The following CREM variants were observed in gnomAD, a reference collection of about 807,000 sequenced individuals.
CREM encodes cAMP-responsive element modulator.
CREM carries 13 observed loss-of-function variants against 37.3 expected under a neutral mutation model. That is an observed-to-expected ratio of 0.35 (90% confidence interval 0.23 to 0.55). The LOEUF (loss-of-function observed/expected upper bound fraction) is 0.55. Ranked by LOEUF, CREM falls within the 20% of genes least tolerant of loss-of-function variation. The probability of loss-of-function intolerance (pLI) is 0.88; values close to 1 mark genes in which losing one functional copy is unlikely to be tolerated. For synonymous variants in CREM, 124 were observed against 120.2 expected (o/e 1.03, Z -0.21); for missense variants, 296 against 362.3 (o/e 0.82, Z 1.49).
intron 7 of CREM, among the ~76,000 whole-genome samples, chr10:35,207,465 TAAAAATAAA>T (rs2095558281): frequency 8.9e-6 from 1 of 112,166 alleles, no homozygotes; most frequent in South Asian, 3.3e-4. Context: ...TATCAATAAA[TAAAAATAAA>T]AATAAAAATT....
At chr10:35,180,314 C>T (rs2094300092) in intron 5 of CREM, among the ~76,000 whole-genome samples, 1 of 151,890 alleles carries the variant, frequency 6.6e-6, no homozygotes, top group Non-Finnish European at 1.5e-5. Context: ...CTTTGTTTTT[C>T]CTTTAAAAAG....
chr10:35,175,214 A>G (rs567990698), intron 3 of CREM, among the ~76,000 whole-genome samples: 5 of 152,308 alleles, frequency 3.3e-5, no homozygotes, highest in Admixed American at 6.5e-5. Flanking sequence ...TTGGGAGGCC[A>G]AGGTGGGCAG....
intron 3 of CREM, among the ~76,000 whole-genome samples, chr10:35,169,806 C>G (rs1345916050): frequency 1.3e-5 from 2 of 151,984 alleles, no homozygotes; most frequent in African/African-American, 2.4e-5. Context: ...GCATGAAGGG[C>G]TGTTGAATTT....
chr10:35,127,725 G>A (rs777421038), intron 1 of CREM, among the ~76,000 whole-genome samples: 1 of 152,242 alleles, frequency 6.6e-6, no homozygotes, highest in African/African-American at 2.4e-5. Flanking sequence ...TCCGGAGTGG[G>A]AAGGGCAGAG....
intron 1 of CREM, among the ~76,000 whole-genome samples, chr10:35,135,751 A>C (rs1215491230): frequency 2.0e-5 from 3 of 148,520 alleles, no homozygotes; most frequent in Non-Finnish European, 4.5e-5. Context: ...AAAGAGAGAC[A>C]TTAAAAAAAA....
At chr10:35,165,641 A>T (rs1390061354) in intron 3 of CREM, among the ~76,000 whole-genome samples, 1 of 152,064 alleles carries the variant, frequency 6.6e-6, no homozygotes, top group East Asian at 1.9e-4. Flanking sequence ...ATTGGCTTTC[A>T]AAAGTTCCTT....
At chr10:35,164,595 T>G (rs1002559425) in intron 3 of CREM, among the ~76,000 whole-genome samples, 6 of 152,236 alleles carry the variant, frequency 3.9e-5, no homozygotes, top group African/African-American at 1.4e-4. Context: ...CTGTAACTAT[T>G]TCAGATTTCA....
At chr10:35,165,456 C>A (rs2093504585) in intron 3 of CREM, among the ~76,000 whole-genome samples, 1 of 152,110 alleles carries the variant, frequency 6.6e-6, no homozygotes, top group Non-Finnish European at 1.5e-5. Flanking sequence ...CACGTTTTGT[C>A]AAAATGATTC....
rs139878924 is a variant in CREM at position 35,176,952 on chromosome 10, T to C, written c.169-1937T>C. On this transcript the variant is annotated intron_variant, in intron 3 of 7. Coordinates refer to ENST00000685392, the MANE Select transcript of CREM (RefSeq NM_183011.2). ...GAAGTTAAAACATTTTTTCCATCAA[T>C]AGATGTAAATTATTAAATATGCATT... Among the ~76,000 whole-genome samples the C allele has an allele frequency of 7.0e-3, 1,071 of 152,312 alleles. 16 individuals are homozygous for C. Among genetic ancestry groups the C allele is most frequent in the African/African-American group, 0.024 (1,007 of 41,558 alleles).
chr10:35,187,249 A>G lies in CREM; in HGVS notation c.410-951A>G, dbSNP rs1264858129. On this transcript the variant is annotated intron_variant, in intron 5 of 7. Coordinates refer to ENST00000685392, the MANE Select transcript of CREM (RefSeq NM_183011.2). ...TATAAAATATATAATTATATATAAC[A>G]TATATAATTATATGTATGTTGGTTT... is the stretch of plus-strand genomic sequence containing the variant. Among the ~76,000 whole-genome samples the G allele has an allele frequency of 2.7e-5, 3 of 112,330 alleles. No homozygotes were observed. In the South Asian group the frequency reaches 7.1e-4, roughly 27 times the overall value. 73.7% of individuals were successfully genotyped at this position (112,330 alleles called of 152,430 possible). A position where few individuals can be genotyped will look rare whatever the true frequency, so the allele number is the denominator to read the frequency against.
At chr10:35,161,531 T>A (rs190014814) in intron 3 of CREM, among the ~76,000 whole-genome samples, 7 of 151,216 alleles carry the variant, frequency 4.6e-5, no homozygotes, top group Admixed American at 1.3e-4. Context: ...AGGAGTGGTG[T>A]TGTGCACCTG....
intron 1 of CREM, among the ~76,000 whole-genome samples, chr10:35,134,937 C>T (rs2090191347): frequency 6.6e-6 from 1 of 151,776 alleles, no homozygotes; most frequent in Non-Finnish European, 1.5e-5. Flanking sequence ...ACTCAGGAGG[C>T]TGAGGCATGA....
intron 3 of CREM, among the ~76,000 whole-genome samples, chr10:35,170,125 G>A (rs2093738950): frequency 6.6e-6 from 1 of 151,944 alleles, no homozygotes; most frequent in African/African-American, 2.4e-5. Context: ...ACCACACCCG[G>A]CTAATTTTTT....
chr10:35,170,239 A>G (rs1295277860), intron 3 of CREM, among the ~76,000 whole-genome samples: 1 of 152,176 alleles, frequency 6.6e-6, no homozygotes, highest in Admixed American at 6.5e-5. Flanking sequence ...TGCTGGGATT[A>G]CAGGCGTGAG....
intron 3 of CREM, among the ~76,000 whole-genome samples, chr10:35,160,202 A>G (rs766081882): frequency 5.9e-5 from 9 of 152,196 alleles, no homozygotes; most frequent in African/African-American, 9.7e-5. Flanking sequence ...ACTACAGGCA[A>G]TTGGAGCACA....
In CREM at chr10:35,211,783, T is replaced by C. The variant is rs2095668716; in HGVS notation, c.*385T>C. 1.2e-6 allele frequency: 2 copies of C among 1,612,288 alleles called. No individual in the cohort carries two copies. The highest frequency in any genetic ancestry group is 1.3e-5 in the African/African-American group (1 of 74,758). ...ACTTGAAACCTTGAAAGACATTTGT[T>C]CTCCCAAAACAGATTACTAGAAATA... is the stretch of plus-strand genomic sequence containing the variant. On this transcript the variant is annotated 3_prime_UTR_variant, in exon 8 of 8. Coordinates refer to ENST00000685392, the MANE Select transcript of CREM (RefSeq NM_183011.2).
intron 5 of CREM, 180 bp downstream of exon 5, chr10:35,179,456 A>C: frequency 1.3e-6 from 1 of 745,770 alleles, no homozygotes; most frequent in Non-Finnish European, 1.9e-6. Context: ...GACAGCTGTC[A>C]TATAATTTTG....
intron 1 of CREM, 52 bp from the exon 2 acceptor site, chr10:35,137,730 T>C (rs1237233956): frequency 1.4e-6 from 1 of 740,180 alleles, no homozygotes; most frequent in Non-Finnish European, 2.1e-6. Flanking sequence ...TTTGAGAGTT[T>C]TTGAAGTGAA....
At chr10:35,131,662 G>GCAC in intron 1 of CREM, among the ~76,000 whole-genome samples, 1 of 152,216 alleles carries the variant, frequency 6.6e-6, no homozygotes, top group South Asian at 2.1e-4. Context: ...TACAGGTTTT[G>GCAC]TTCAGATGTG....
Sources: gnomAD v4.1 joint callset for allele counts (sites outside exome capture counted in the v4.1 genomes callset) on GRCh38, gnomAD v4.1.1 for gene constraint, MANE v1.5 for transcripts, NCBI Gene and HGNC (gene_info 2026-07-23, HGNC 2026-07-21) for gene names.